BHMT: variants seen among roughly 807,000 people sequenced by gnomAD.
The protein encoded by BHMT is betaine--homocysteine S-methyltransferase 1.
In BHMT, 38 loss-of-function variants were observed where a neutral mutation model predicts 49.5. That is an observed-to-expected ratio of 0.77 (90% CI 0.59 to 1.01). The LOEUF is 1.01. Ranked by LOEUF, BHMT falls within the 50% of genes least tolerant of loss-of-function variation. BHMT has a pLI of 0.00. For synonymous variants in BHMT, 166 were observed against 176.3 expected (o/e 0.94, Z 0.46); for missense variants, 426 against 495.7 (o/e 0.86, Z 1.34).
chr5:79,121,195 A>G (rs756285627), intron 4 of BHMT, 23 bp from the exon 5 acceptor site: 1 of 1,611,090 alleles, frequency 6.2e-7, no homozygotes, highest in Non-Finnish European at 8.5e-7. Context: ...GATTAAAAGT[A>G]CTCTAACCTT....
rs1200846198 is a variant in BHMT at position 79,131,680 on chromosome 5, G to T, written c.*564G>T. On this transcript the variant is annotated 3_prime_UTR_variant, in exon 8 of 8. Transcript: ENST00000274353. Reference sequence around the variant, plus strand: ...TTCATTTATAAAACATGCTAGTTGAGACTTTTCAAATGGATTTTTATGACC... The same window carrying T: ...TTCATTTATAAAACATGCTAGTTGATACTTTTCAAATGGATTTTTATGACC... 6.6e-6 allele frequency: 1 copy of T among 152,168 alleles called. No individual in the cohort carries two copies. Among genetic ancestry groups the T allele is most frequent in the Admixed American group, 6.5e-5 (1 of 15,278 alleles). 9.4% of individuals were successfully genotyped at this position (152,168 alleles called of 1,614,324 possible).
chr5:79,115,468 C>T (rs1413434165), intron 1 of BHMT, among the ~76,000 whole-genome samples: 2 of 151,920 alleles, frequency 1.3e-5, no homozygotes, highest in East Asian at 3.9e-4. Context: ...TCATTTAATC[C>T]CTCAGCAGAC....
In BHMT at chr5:79,131,123, T is replaced by C. The variant is rs758196009; in HGVS notation, c.*7T>C. The C allele has an allele frequency of 1.0e-5, 16 of 1,603,840 alleles. No homozygotes were observed. In the African/African-American group the frequency reaches 1.3e-4, roughly 13 times the overall value. On this transcript the variant is annotated 3_prime_UTR_variant, in exon 8 of 8. Coordinates refer to ENST00000274353, the MANE Select transcript of BHMT (RefSeq NM_001713.3). ...AAAATTCAAATCACAGTAGCCTCGA[T>C]AGAAGCTATTTTTGATGAATTTCTA...
rs771334988 is a variant in BHMT at position 79,130,979 on chromosome 5, C to T, written c.1084C>T (p.Pro362Ser). The T allele has an allele frequency of 3.7e-6, 6 of 1,613,902 alleles. No homozygotes were observed. The highest frequency in any genetic ancestry group is 1.1e-5 in the South Asian group (1 of 91,046). Reference protein sequence around the residue: ...WENLRIASGRPYNPSMSKPDG... With the variant: ...WENLRIASGRSYNPSMSKPDG... ...GAATCTTCGGATAGCCTCAGGCCGG[C>T]CATACAACCCTTCAATGTCAAAGCC... Residue 362 changes from proline (P) to serine (S), a missense_variant, in exon 8 of 8, where the codon CCA becomes TCA. Coordinates refer to ENST00000274353, the MANE Select transcript of BHMT (RefSeq NM_001713.3).
chr5:79,131,069 C>G lies in BHMT; in HGVS notation c.1174C>G (p.Gln392Glu), dbSNP rs770324777. 11 of 1,613,574 alleles carry G rather than the reference C, an allele frequency of 6.8e-6. No individual in the cohort carries two copies. In the African/African-American group the frequency reaches 1.3e-4, roughly 20 times the overall value. Residue 392 changes from glutamine to glutamate, a missense_variant, in exon 8 of 8, where the codon CAG becomes GAG. Gln to Glu is a conservative substitution (Grantham distance 29). Transcript: ENST00000274353. ...LMQQKEATTEQQLKELFEKQK... is the reference protein window; with the variant it reads ...LMQQKEATTEEQLKELFEKQK... ...GCAGCAGAAAGAAGCCACAACTGAGCAGCAGCTGAAAGAGCTCTTTGAAAA... is the reference window on the plus strand; with the variant it reads ...GCAGCAGAAAGAAGCCACAACTGAGGAGCAGCTGAAAGAGCTCTTTGAAAA...
chr5:79,131,368 A>T lies in BHMT; in HGVS notation c.*252A>T. ...ACTAAGCACCCACCCTGTGAAAAGT[A>T]TTATGGAAATCACTGCTGCACAGGA... On this transcript the variant is annotated 3_prime_UTR_variant, in exon 8 of 8. Coordinates refer to ENST00000274353, the MANE Select transcript of BHMT (RefSeq NM_001713.3). 1 of 385,350 alleles carries T rather than the reference A, an allele frequency of 2.6e-6. No homozygotes were observed. Among genetic ancestry groups the T allele is most frequent in the African/African-American group, 2.1e-5 (1 of 48,240 alleles). The allele number at this position is 385,350 out of a possible 1,614,324, so 23.9% of individuals were successfully genotyped here.
intron 5 of BHMT, among the ~76,000 whole-genome samples, chr5:79,121,881 G>T (rs1756478812): frequency 6.6e-6 from 1 of 151,802 alleles, no homozygotes; most frequent in African/African-American, 2.4e-5. Context: ...TGTTAATAGG[G>T]TTCTGTGGTT....
intron 1 of BHMT, among the ~76,000 whole-genome samples, chr5:79,115,090 C>A (rs1180353408): frequency 2.0e-5 from 3 of 152,088 alleles, no homozygotes. Context: ...TATAGCATAG[C>A]TACTGTTGTG....
chr5:79,129,949 A>G (rs1263815443), intron 7 of BHMT, among the ~76,000 whole-genome samples: 2 of 152,216 alleles, frequency 1.3e-5, no homozygotes, highest in African/African-American at 4.8e-5. Context: ...ACTTGAGCTC[A>G]GGAGTTTGAG....
At chr5:79,122,373 A>G (rs534714413) in intron 5 of BHMT, among the ~76,000 whole-genome samples, 16 of 152,294 alleles carry the variant, frequency 1.1e-4, no homozygotes, top group Admixed American at 2.6e-4. Flanking sequence ...ATTTTCATGG[A>G]CCAAACCTTG....
chr5:79,131,198 A>C lies in BHMT; in HGVS notation c.*82A>C. On this transcript the variant is annotated 3_prime_UTR_variant, in exon 8 of 8. Transcript: ENST00000274353. ...AATACGGAAAAGGGGGTTAAAAAGC[A>C]GTGCTTTCATGAATGCCATCCTACA... The C allele has an allele frequency of 5.0e-6, 7 of 1,394,298 alleles. No individual in the cohort carries two copies. The highest frequency in any genetic ancestry group is 6.9e-6 in the Non-Finnish European group (7 of 1,019,118). The allele number at this position is 1,394,298 out of a possible 1,614,324, so 86.4% of individuals were successfully genotyped here.
intron 5 of BHMT, among the ~76,000 whole-genome samples, chr5:79,122,411 G>C (rs1281941298): frequency 6.6e-6 from 1 of 152,142 alleles, no homozygotes; most frequent in Non-Finnish European, 1.5e-5. Context: ...TTATAAAATT[G>C]TTGATGTCAG....
At chr5:79,128,291 TAGG>T (rs1265349983) in intron 7 of BHMT, 2 of 246,126 alleles carry the variant, frequency 8.1e-6, no homozygotes, top group Non-Finnish European at 1.6e-5. Flanking sequence ...GAGGCCAAGG[TAGG>T]AGGATTACTT....
At position 79,121,302 on chromosome 5, in the gene BHMT, G is replaced by A; in HGVS notation, c.562G>A (p.Gly188Ser). 1 of 1,614,192 alleles carries A rather than the reference G, an allele frequency of 6.2e-7. No homozygotes were observed. Among genetic ancestry groups the A allele is most frequent in the African/African-American group, 1.3e-5 (1 of 75,060 alleles). ...GKPVAATMCIGPEGDLHGVPP... is the reference protein window; with the variant it reads ...GKPVAATMCISPEGDLHGVPP... ...ACCTGTGGCAGCAACCATGTGCATT[G>A]GCCCAGAAGGAGATTTGCATGGCGT... Residue 188 changes from glycine (G) to serine (S), a missense_variant, in exon 5 of 8, where the codon GGC becomes AGC. Gly to Ser is a moderately conservative substitution (Grantham distance 56, BLOSUM62 0). Transcript: ENST00000274353.
At chr5:79,128,151 T>C (rs1228627157) in intron 7 of BHMT, 168 bp downstream of exon 7, 66 of 907,650 alleles carry the variant, frequency 7.3e-5, no homozygotes, top group Non-Finnish European at 1.0e-4. Flanking sequence ...TTTCTGGAGA[T>C]TGTTTTAAGA....
At chr5:79,125,833 C>A (rs1249847182) in intron 5 of BHMT, among the ~76,000 whole-genome samples, 1 of 152,028 alleles carries the variant, frequency 6.6e-6, no homozygotes, top group African/African-American at 2.4e-5. Context: ...GTCACAGCAA[C>A]TTGGGAGGCT....
chr5:79,119,342 G>C lies in BHMT; in HGVS notation c.250G>C (p.Glu84Gln), dbSNP rs2112725574. The change falls in exon 3 of 8, where the codon GAG becomes CAG. Residue 84 changes from glutamate to glutamine, a missense_variant. Glu to Gln is a conservative substitution (Grantham distance 29, BLOSUM62 2). This residue lies in a region of BHMT where 321 missense variants were observed against 355.9 expected (regional missense o/e 0.90). Transcript: ENST00000274353. ...CTTCTATGCGAGTGAAGACAAGCTG[G>C]AGAACAGGGGCAACTATGTCTTAGA... ...FTFYASEDKL[E>Q]NRGNYVLEKI... 2 of 1,614,084 alleles carry C rather than the reference G, an allele frequency of 1.2e-6. No homozygotes were observed. The highest frequency in any genetic ancestry group is 1.7e-6 in the Non-Finnish European group (2 of 1,179,984).
chr5:79,120,710 T>C (rs1386832803), intron 4 of BHMT, among the ~76,000 whole-genome samples, 169 bp downstream of exon 4: 1 of 152,242 alleles, frequency 6.6e-6, no homozygotes, highest in Admixed American at 6.5e-5. Flanking sequence ...TTTGATTTAA[T>C]TAATCTGATA....
At position 79,131,366 on chromosome 5, in the gene BHMT, G is replaced by A. The variant is rs138578732; in HGVS notation, c.*250G>A. On this transcript the variant is annotated 3_prime_UTR_variant, in exon 8 of 8. Transcript: ENST00000274353. ...TCACTAAGCACCCACCCTGTGAAAA[G>A]TATTATGGAAATCACTGCTGCACAG... 2 of 386,176 alleles carry A rather than the reference G, an allele frequency of 5.2e-6. No individual in the cohort carries two copies. Among genetic ancestry groups the A allele is most frequent in the African/African-American group, 4.1e-5 (2 of 48,238 alleles). 23.9% of individuals were successfully genotyped at this position (386,176 alleles called of 1,614,324 possible).
Sources: allele counts gnomAD v4.1 joint callset (sites outside exome capture counted in the v4.1 genomes callset), GRCh38; gene constraint gnomAD v4.1.1; regional missense constraint gnomAD v4.1.1; transcripts MANE v1.5; gene names NCBI Gene and HGNC (gene_info 2026-07-23, HGNC 2026-07-21).